PRELID2: variants seen among roughly 807,000 people sequenced by gnomAD.
PRELID2 encodes the protein PRELI domain-containing protein 2.
Under a neutral mutation model 28.4 loss-of-function variants are expected in PRELID2, and 25 were observed. The ratio of observed to expected loss-of-function variants is 0.88; its 90% CI spans 0.64 to 1.23. The LOEUF is 1.23. Among genes scored for constraint, PRELID2 ranks in the 50% most tolerant of loss-of-function variants. PRELID2 has a pLI of 0.00. For missense variants in PRELID2, 201 were observed against 214.4 expected (o/e 0.94, Z 0.39); for synonymous variants, 76 against 71.6 (o/e 1.06, Z -0.31).
chr5:145,271,591 TA>T, the PRELID2 span, among the ~76,000 whole-genome samples: 1 of 152,190 alleles, frequency 6.6e-6, no homozygotes, highest in African/African-American at 2.4e-5. Context: ...CTAGTTAAGT[TA>T]CTGTCATTCC....
At chr5:145,299,900 C>A in the PRELID2 span, among the ~76,000 whole-genome samples, 1 of 151,978 alleles carries the variant, frequency 6.6e-6, no homozygotes, top group Non-Finnish European at 1.5e-5. Context: ...ATGGGAAAGA[C>A]AGGATAGATA....
chr5:145,701,746 G>A (rs1755411265), intron 1 of PRELID2, among the ~76,000 whole-genome samples: 1 of 152,096 alleles, frequency 6.6e-6, no homozygotes, highest in African/African-American at 2.4e-5. Context: ...ATTTAGATTA[G>A]AGAATTATAA....
chr5:145,654,453 A>G (rs1754355549), intron 1 of PRELID2, among the ~76,000 whole-genome samples: 3 of 152,224 alleles, frequency 2.0e-5, no homozygotes. Flanking sequence ...AAAAAAAGAG[A>G]ATTTTAGACC....
intron 4 of PRELID2, among the ~76,000 whole-genome samples, chr5:145,803,916 T>C (rs1427782966): frequency 3.9e-5 from 6 of 152,046 alleles, no homozygotes; most frequent in Non-Finnish European, 8.8e-5. Context: ...TTCAAAGCTC[T>C]TGGAACAGAA....
the PRELID2 span, among the ~76,000 whole-genome samples, chr5:145,388,598 A>G: frequency 1.6e-4 from 25 of 152,166 alleles, no homozygotes; most frequent in Admixed American, 1.3e-3. Flanking sequence ...GCTCCTTCCT[A>G]CACTCAAACA....
chr5:145,316,292 G>T, the PRELID2 span, among the ~76,000 whole-genome samples: 1 of 152,158 alleles, frequency 6.6e-6, no homozygotes, highest in Non-Finnish European at 1.5e-5. Context: ...AGAGAAAATA[G>T]CCTTTTAGTA....
intron 1 of PRELID2, among the ~76,000 whole-genome samples, chr5:145,711,972 G>A (rs1654134): frequency 0.21 from 31,655 of 152,028 alleles, 4,175 homozygotes; most frequent in African/African-American, 0.37. Context: ...AAACACAAAG[G>A]TATCTCCAGA....
At chr5:145,753,004 A>C (rs1176432824), downstream of PRELID2, among the ~76,000 whole-genome samples, 3 of 152,240 alleles carry the variant, frequency 2.0e-5, no homozygotes, top group Non-Finnish European at 4.4e-5. Context: ...TTTCAAATGT[A>C]AGGAGACACC....
intron 1 of PRELID2, among the ~76,000 whole-genome samples, chr5:145,610,068 G>A (rs1175800852): frequency 6.6e-6 from 1 of 152,178 alleles, no homozygotes; most frequent in Non-Finnish European, 1.5e-5. Flanking sequence ...TGCCCAGGTA[G>A]CTCTCTGCCT....
chr5:145,241,701 C>CT, the PRELID2 span, among the ~76,000 whole-genome samples: 2 of 151,916 alleles, frequency 1.3e-5, no homozygotes, highest in Non-Finnish European at 2.9e-5. Flanking sequence ...TATCCCACAT[C>CT]TTTGTTTCTT....
In PRELID2 at chr5:145,824,129, A is replaced by G. The variant is rs185372625; in HGVS notation, c.76-995T>C. ...ATGTGAAAAGAGAGACACTGGGAGC[A>G]GAAGTGACCTCCTAGAAGCCACAGG... On this transcript the variant is annotated intron_variant, in intron 1 of 6. Coordinates refer to ENST00000683046, the MANE Select transcript of PRELID2 (RefSeq NM_205846.3). Among the ~76,000 whole-genome samples the G allele has an allele frequency of 2.6e-3, 399 of 152,264 alleles. 2 individuals are homozygous for G. Among genetic ancestry groups the G allele is most frequent in the African/African-American group, 8.8e-3 (365 of 41,560 alleles).
intron 1 of PRELID2, among the ~76,000 whole-genome samples, chr5:145,625,870 G>A (rs1274257779): frequency 1.3e-5 from 2 of 152,006 alleles, no homozygotes; most frequent in Non-Finnish European, 2.9e-5. Context: ...ACTATTGTTG[G>A]CTCTACTTTC....
At chr5:145,663,710 C>A (rs1455644284) in intron 1 of PRELID2, among the ~76,000 whole-genome samples, 1 of 152,104 alleles carries the variant, frequency 6.6e-6, no homozygotes. Flanking sequence ...AGATCTGAAT[C>A]CTAACCCCGA....
chr5:145,370,205 T>C, the PRELID2 span, among the ~76,000 whole-genome samples: 2 of 152,190 alleles, frequency 1.3e-5, no homozygotes, highest in Non-Finnish European at 2.9e-5. Context: ...CATGCCTATG[T>C]CCTGAATGGT....
At chr5:145,646,103 C>G (rs1754191921) in intron 1 of PRELID2, among the ~76,000 whole-genome samples, 1 of 152,162 alleles carries the variant, frequency 6.6e-6, no homozygotes, top group East Asian at 1.9e-4. Flanking sequence ...GGGAAGTTCT[C>G]CTGGATAATA....
intron 1 of PRELID2, among the ~76,000 whole-genome samples, chr5:145,617,454 A>G (rs1753714535): frequency 6.6e-6 from 1 of 152,222 alleles, no homozygotes; most frequent in Non-Finnish European, 1.5e-5. Flanking sequence ...TTCTTCTGCC[A>G]TGGCTTCAGC....
intron 3 of PRELID2, chr5:145,819,249 A>G (rs532477594): frequency 1.2e-4 from 79 of 686,886 alleles, no homozygotes; most frequent in Admixed American, 1.1e-4. Flanking sequence ...TCTTGGGTTG[A>G]AACTACCCTC....
chr5:145,241,995 G>A, the PRELID2 span, among the ~76,000 whole-genome samples: 1 of 151,846 alleles, frequency 6.6e-6, no homozygotes, highest in Non-Finnish European at 1.5e-5. Flanking sequence ...ATGTCTACAG[G>A]AAAGTCATAC....
chr5:145,375,817 C>T, the PRELID2 span, among the ~76,000 whole-genome samples: 2 of 152,188 alleles, frequency 1.3e-5, no homozygotes, highest in Non-Finnish European at 2.9e-5. Flanking sequence ...GCCATCCAGC[C>T]CCTTGGCTCC....
Sources: gnomAD v4.1 joint callset for allele counts (sites outside exome capture counted in the v4.1 genomes callset) on GRCh38, gnomAD v4.1.1 for gene constraint, MANE v1.5 for transcripts, NCBI Gene and HGNC (gene_info 2026-07-23, HGNC 2026-07-21) for gene names.